The following NIPA2 variants were observed in gnomAD, a reference collection of about 807,000 sequenced individuals.
NIPA2 encodes the protein NIPA magnesium transporter 2.
A neutral mutation model predicts 29.7 loss-of-function variants in NIPA2; 11 were observed. That is an observed-to-expected ratio of 0.37 (90% CI 0.23 to 0.61). The LOEUF is 0.61. Ranked by LOEUF, NIPA2 falls within the 20% of genes least tolerant of loss-of-function variation. The probability of loss-of-function intolerance (pLI) is 0.66; values close to 1 mark genes in which losing one functional copy is unlikely to be tolerated. For missense variants in NIPA2, 426 were observed against 437.9 expected (o/e 0.97, Z 0.24); for synonymous variants, 183 against 161.9 (o/e 1.13, Z -0.99).
At chr15:22,865,451 A>G (rs1275402216) in intron 7 of NIPA2, among the ~76,000 whole-genome samples, 2 of 151,510 alleles carry the variant, frequency 1.3e-5, no homozygotes. Flanking sequence ...GCACCACTGC[A>G]CTCCAGCCTG....
At chr15:22,859,290 C>CTT (rs60644942) in intron 6 of NIPA2, among the ~76,000 whole-genome samples, 16 of 97,350 alleles carry the variant, frequency 1.6e-4, no homozygotes, top group South Asian at 3.7e-4. Context: ...ATTTCTTTTT[C>CTT]TTTTTTTTTT....
chr15:22,851,876 T>A lies in NIPA2; in HGVS notation c.139+6T>A, dbSNP rs2057767784. On this transcript the variant is annotated splice_donor_region_variant and intron_variant, in intron 4 of 7. Transcript: ENST00000337451. ...GAAAGGCTCTATGAGAGCAGGTAGG[T>A]TATGCCTTATGTGACTTTGAAGTGA... 1.2e-6 allele frequency: 2 copies of A among 1,611,206 alleles called. No homozygotes were observed. The highest frequency in any genetic ancestry group is 2.7e-5 in the African/African-American group (2 of 74,654).
Position 22,866,521 on chromosome 15 carries a change from T to TATG in NIPA2, c.758_760dup (p.Tyr253_Val254insAsp). On this transcript the variant is annotated inframe_insertion, in exon 8 of 8. Coordinates refer to ENST00000337451, the MANE Select transcript of NIPA2 (RefSeq NM_030922.7). Reference sequence around the variant, plus strand: ...CACTTCCATTGTGACTCCAATATATTATGTATTCTTTACAACATCAGTTTT... The same window carrying TATG: ...CACTTCCATTGTGACTCCAATATATTATGATGTATTCTTTACAACATCAGTTTT... The TATG allele has an allele frequency of 6.2e-7, 1 of 1,613,698 alleles. No homozygotes were observed. Among genetic ancestry groups the TATG allele is most frequent in the Non-Finnish European group, 8.5e-7 (1 of 1,179,572 alleles).
At chr15:22,862,901 T>TTC (rs962507958) in intron 7 of NIPA2, among the ~76,000 whole-genome samples, 1 of 143,648 alleles carries the variant, frequency 7.0e-6, no homozygotes, top group Non-Finnish European at 1.5e-5. Flanking sequence ...CTTTATTCTT[T>TTC]TTTTTTTTTT....
intron 3 of NIPA2, among the ~76,000 whole-genome samples, chr15:22,846,676 T>A (rs1362593478): frequency 6.6e-6 from 1 of 151,564 alleles, no homozygotes; most frequent in Non-Finnish European, 1.5e-5. Flanking sequence ...AGCCAGGTGG[T>A]GTAGTGTTGC....
At chr15:22,843,106 C>G (rs7171633) in intron 2 of NIPA2, among the ~76,000 whole-genome samples, 1 of 151,878 alleles carries the variant, frequency 6.6e-6, no homozygotes, top group Non-Finnish European at 1.5e-5. Context: ...AAACAGGGGT[C>G]GTGATTCCAA....
At chr15:22,862,450 T>TC (rs1319732846) in intron 7 of NIPA2, among the ~76,000 whole-genome samples, 2 of 152,210 alleles carry the variant, frequency 1.3e-5, no homozygotes, top group East Asian at 3.8e-4. Context: ...TTATTGCAGT[T>TC]CCTGACCTAG....
At position 22,852,519 on chromosome 15, in the gene NIPA2, C is replaced by G. The variant is rs371036409; in HGVS notation, c.139+649C>G. On this transcript the variant is annotated intron_variant, in intron 4 of 7. Transcript: ENST00000337451. Reference sequence around the variant, plus strand: ...ATCAGAATTTATTAAAGGCTGGGATCTTTTGTCCATGATAGTAGACGTTCT... The same window carrying G: ...ATCAGAATTTATTAAAGGCTGGGATGTTTTGTCCATGATAGTAGACGTTCT... Among the ~76,000 whole-genome samples, 139 of 149,722 alleles carry G rather than the reference C, an allele frequency of 9.3e-4. No homozygotes were observed. In the South Asian group the frequency reaches 0.016, roughly 17 times the overall value.
intron 5 of NIPA2, among the ~76,000 whole-genome samples, chr15:22,858,106 T>C (rs2141387662): frequency 6.6e-6 from 1 of 151,930 alleles, no homozygotes; most frequent in African/African-American, 2.4e-5. Context: ...ATTAATAAAT[T>C]GGAGAGGCTG....
At chr15:22,862,338 G>T (rs1256994929) in intron 7 of NIPA2, among the ~76,000 whole-genome samples, 1 of 152,072 alleles carries the variant, frequency 6.6e-6, no homozygotes, top group Non-Finnish European at 1.5e-5. Context: ...GTGAGCTACT[G>T]TGCCTGGCCT....
intron 5 of NIPA2, 126 bp downstream of exon 5, chr15:22,853,394 GAC>G: frequency 2.1e-6 from 1 of 487,064 alleles, no homozygotes; most frequent in African/African-American, 2.2e-5. Context: ...TTTTTTTTGA[GAC>G]AGAGTCTCAC....
intron 2 of NIPA2, among the ~76,000 whole-genome samples, chr15:22,843,132 G>C (rs568917752): frequency 1.3e-3 from 192 of 152,212 alleles, no homozygotes; most frequent in Non-Finnish European, 2.3e-3. Context: ...TCAGCAGAAG[G>C]CTGAGATTGG....
chr15:22,844,943 G>A (rs1898199643), intron 2 of NIPA2, among the ~76,000 whole-genome samples: 2 of 152,206 alleles, frequency 1.3e-5, no homozygotes, highest in South Asian at 4.1e-4. Flanking sequence ...GTGCCTGGCA[G>A]ATAATAGCTG....
At chr15:22,841,412 A>T (rs1028007834) in intron 2 of NIPA2, among the ~76,000 whole-genome samples, 4 of 152,232 alleles carry the variant, frequency 2.6e-5, no homozygotes, top group Non-Finnish European at 5.9e-5. Context: ...TCCAGATGAA[A>T]ATAAATTATG....
At chr15:22,852,327 C>T (rs1386508062) in intron 4 of NIPA2, among the ~76,000 whole-genome samples, 1 of 152,068 alleles carries the variant, frequency 6.6e-6, no homozygotes, top group South Asian at 2.1e-4. Flanking sequence ...ATTAGCCGGG[C>T]ATGGTGGCCT....
Position 22,866,728 on chromosome 15 carries a change from G to T in NIPA2, c.964G>T (p.Gly322Cys). The change falls in exon 8 of 8, where the codon GGC becomes TGC. Residue 322 changes from glycine (G) to cysteine (C), a missense_variant. By Grantham distance (159) the Gly-to-Cys change is radical (BLOSUM62 -3). Transcript: ENST00000337451. ...SFRKDEKAMN[G>C]NLSNMYEVLN... is the part of the protein sequence containing the mutation. Reference sequence around the variant, plus strand: ...TCGAAAAGACGAGAAAGCAATGAATGGCAATCTCTCTAATATGTATGAAGT... The same window carrying T: ...TCGAAAAGACGAGAAAGCAATGAATTGCAATCTCTCTAATATGTATGAAGT... 6.2e-7 allele frequency: 1 copy of T among 1,613,966 alleles called. No homozygotes were observed.
intron 3 of NIPA2, among the ~76,000 whole-genome samples, chr15:22,846,818 A>ATT (rs1555380234): frequency 7.4e-6 from 1 of 135,854 alleles, no homozygotes; most frequent in South Asian, 2.4e-4. Flanking sequence ...CCTGTCTCCA[A>ATT]AATAATAATA....
At chr15:22,864,256 G>A (rs560629841) in intron 7 of NIPA2, among the ~76,000 whole-genome samples, 215 of 152,114 alleles carry the variant, frequency 1.4e-3, no homozygotes, top group South Asian at 7.7e-3. Flanking sequence ...CCGGGTTCAC[G>A]CCATTCTCCT....
At position 22,854,882 on chromosome 15, in the gene NIPA2, C is replaced by CT. The variant is rs930453511; in HGVS notation, c.196+1622dup. Among the ~76,000 whole-genome samples, 55 of 151,990 alleles carry CT rather than the reference C, an allele frequency of 3.6e-4. 3 individuals carry two copies. The South Asian group carries it at 9.6e-3, about 26-fold the overall frequency. On this transcript the variant is annotated intron_variant, in intron 5 of 7. Transcript: ENST00000337451. ...AGTGCATTTAAATGGAACGACAAGGCTTTTTTTTACCCATCTGATTAAAAC... is the reference window on the plus strand; with the variant it reads ...AGTGCATTTAAATGGAACGACAAGGCTTTTTTTTTACCCATCTGATTAAAAC...
Sources: allele counts gnomAD v4.1 joint callset (sites outside exome capture counted in the v4.1 genomes callset), GRCh38; gene constraint gnomAD v4.1.1; transcripts MANE v1.5; gene names NCBI Gene and HGNC (gene_info 2026-07-23, HGNC 2026-07-21).